The following ZNF333 variants were observed in gnomAD, a reference collection of about 807,000 sequenced individuals.
The protein encoded by ZNF333 is zinc finger protein 333.
Under a neutral mutation model 76.1 loss-of-function variants are expected in ZNF333, and 61 were observed. That is an observed-to-expected ratio of 0.80 (90% CI 0.65 to 0.99). The LOEUF (loss-of-function observed/expected upper bound fraction) is 0.99, where lower values mean the gene tolerates loss of function less well. ZNF333 is among the 50% of genes least tolerant of loss of function. ZNF333 has a pLI of 0.00. For missense variants in ZNF333, 717 were observed against 822.4 expected, an observed-to-expected ratio of 0.87 and a Z score of 1.57; for synonymous variants, 284 against 305.0, an observed-to-expected ratio of 0.93 and a Z score of 0.72.
exon 12 of ZNF333, chr19:14,731,570 C>T (rs534170774): frequency 5.2e-6 from 1 of 191,092 alleles, no homozygotes; most frequent in African/African-American, 2.3e-5. Context: ...CAAACGTGTA[C>T]CCTAGCTCCT....
chr19:14,718,732 G>T lies in ZNF333; in HGVS notation c.1405G>T (p.Val469Leu), dbSNP rs180895105. Residue 469 changes from valine to leucine, a missense_variant, in exon 12 of 12, where the codon GTG becomes TTG. Coordinates refer to ENST00000292530, the MANE Select transcript of ZNF333 (RefSeq NM_032433.4). ...TCAGCCATCATCCCTCAGGAGCCAC[G>T]TGAGAACTCACACTGGAGAGAAGCC... is the stretch of plus-strand genomic sequence containing the variant. ...FNQPSSLRSH[V>L]RTHTGEKPFE... The T allele has an allele frequency of 1.2e-5, 20 of 1,613,968 alleles. No individual in the cohort carries two copies. In the East Asian group the frequency reaches 4.0e-4, roughly 32 times the overall value.
chr19:14,694,947 C>T (rs548277023), intron 2 of ZNF333, 63 bp from the exon 3 acceptor site: 4 of 1,603,790 alleles, frequency 2.5e-6, no homozygotes, highest in East Asian at 2.2e-5. Flanking sequence ...CCAGTGATAA[C>T]CAGTCGTTCT....
chr19:14,692,280 G>C (rs1443735633), intron 1 of ZNF333, among the ~76,000 whole-genome samples: 2 of 152,220 alleles, frequency 1.3e-5, no homozygotes, highest in African/African-American at 4.8e-5. Context: ...GAACCTTCAA[G>C]ATGAGTTGTA....
intron 5 of ZNF333, among the ~76,000 whole-genome samples, chr19:14,703,492 A>G (rs966811004): frequency 2.0e-5 from 3 of 152,232 alleles, no homozygotes; most frequent in African/African-American, 7.2e-5. Context: ...CATTTGTCTC[A>G]AAATGTACCC....
chr19:14,698,704 G>C (rs1268690594), intron 4 of ZNF333, among the ~76,000 whole-genome samples: 3 of 151,270 alleles, frequency 2.0e-5, no homozygotes, highest in African/African-American at 7.3e-5. Flanking sequence ...AGCCAGACGT[G>C]GTGGCGGGTA....
intron 11 of ZNF333, among the ~76,000 whole-genome samples, chr19:14,730,301 T>C (rs1366235904): frequency 6.6e-6 from 1 of 152,040 alleles, no homozygotes; most frequent in Non-Finnish European, 1.5e-5. Context: ...GTGATCTGCC[T>C]GCCTCAGTCT....
chr19:14,732,321 A>G (rs538800462), exon 12 of ZNF333: 1 of 152,340 alleles, frequency 6.6e-6, no homozygotes, highest in Admixed American at 6.5e-5. Context: ...TACATTAAAA[A>G]AAAGACATAA....
chr19:14,711,440 T>C (rs924589433), intron 7 of ZNF333, among the ~76,000 whole-genome samples: 1 of 151,726 alleles, frequency 6.6e-6, no homozygotes, highest in African/African-American at 2.4e-5. Flanking sequence ...GAGGCTGAGG[T>C]GGGAGGACTT....
chr19:14,719,485 T>C lies in ZNF333; in HGVS notation c.*160T>C. 1 of 1,112,742 alleles carries C rather than the reference T, an allele frequency of 9.0e-7. No homozygotes were observed. 68.9% of individuals were successfully genotyped at this position (1,112,742 alleles called of 1,614,324 possible). ...CGTTTATTCTTTGACCCATCTATTA[T>C]TTGGAATTAGATTTTTCAAAACTAA... On this transcript the variant is annotated 3_prime_UTR_variant, in exon 12 of 12. Coordinates refer to ENST00000292530, the MANE Select transcript of ZNF333 (RefSeq NM_032433.4).
chr19:14,723,675 A>G (rs1599763500), downstream of ZNF333, among the ~76,000 whole-genome samples: 1 of 152,210 alleles, frequency 6.6e-6, no homozygotes. Flanking sequence ...TAGAAATGCA[A>G]CTGTTTTTTT....
At chr19:14,712,417 G>A (rs1249881726) in intron 7 of ZNF333, among the ~76,000 whole-genome samples, 1 of 151,880 alleles carries the variant, frequency 6.6e-6, no homozygotes, top group Non-Finnish European at 1.5e-5. Flanking sequence ...ACGGGGTTTC[G>A]TCATGTTGGC....
intron 7 of ZNF333, chr19:14,708,942 C>T (rs2042197159): frequency 6.6e-6 from 1 of 152,206 alleles, no homozygotes; most frequent in African/African-American, 2.4e-5. Context: ...TTTGTGTCCC[C>T]ACCTAAATCT....
chr19:14,708,509 T>C, intron 7 of ZNF333: 1 of 395,872 alleles, frequency 2.5e-6, no homozygotes, highest in Middle Eastern at 3.1e-4. Context: ...GGGAGAGTTC[T>C]GGGAAAGGAT....
intron 7 of ZNF333, chr19:14,708,394 C>T (rs1177506791): frequency 1.2e-5 from 5 of 401,148 alleles, no homozygotes; most frequent in East Asian, 3.6e-5. Flanking sequence ...AAGAAAACAC[C>T]GACCCCTCCT....
downstream of ZNF333, among the ~76,000 whole-genome samples, chr19:14,723,809 A>G (rs1307052421): frequency 6.6e-6 from 1 of 152,222 alleles, no homozygotes; most frequent in African/African-American, 2.4e-5. Context: ...TCAACAGTAA[A>G]GATCTAGGTT....
chr19:14,717,767 A>AT, intron 11 of ZNF333, 34 bp downstream of exon 11: 6 of 1,593,714 alleles, frequency 3.8e-6, no homozygotes, highest in Non-Finnish European at 5.2e-6. Flanking sequence ...ATGGTTCTCT[A>AT]TAGTAGGATG....
intron 11 of ZNF333, among the ~76,000 whole-genome samples, chr19:14,727,662 T>C (rs924561284): frequency 2.0e-5 from 3 of 152,150 alleles, no homozygotes; most frequent in East Asian, 1.9e-4. Context: ...AGTGTGAGAT[T>C]TGGAGGGGAC....
intron 6 of ZNF333, chr19:14,706,404 C>CT (rs2042111794): frequency 2.2e-6 from 1 of 447,004 alleles, no homozygotes; most frequent in Non-Finnish European, 4.1e-6. Flanking sequence ...CCACTCCCCA[C>CT]TTTTTTCCCA....
At chr19:14,731,248 T>C in exon 12 of ZNF333, 1 of 1,470,404 alleles carries the variant, frequency 6.8e-7, no homozygotes, top group Non-Finnish European at 9.2e-7. Context: ...ATCCAACCTC[T>C]GGATATCAAA....
Sources: gnomAD v4.1 joint callset for allele counts (sites outside exome capture counted in the v4.1 genomes callset) on GRCh38, gnomAD v4.1.1 for gene constraint, MANE v1.5 for transcripts, NCBI Gene and HGNC (gene_info 2026-07-23, HGNC 2026-07-21) for gene names.